ZNF423: variants seen among roughly 807,000 people sequenced by gnomAD.
ZNF423 encodes zinc finger protein 423, also known as Ebf-associated zinc finger protein.
In ZNF423, 12 loss-of-function variants were observed where a neutral mutation model predicts 95.8. The observed-to-expected ratio is 0.13, with a 90% confidence interval of 0.08 to 0.20. The LOEUF is 0.20. Among genes scored for constraint, ZNF423 ranks in the 10% least tolerant of loss-of-function variants. ZNF423 has a pLI of 1.00. For synonymous variants in ZNF423, 749 were observed against 711.9 expected (o/e 1.05, Z -0.83); for missense variants, 1,316 against 1,737.1 (o/e 0.76, Z 4.31).
chr16:49,745,816 A>G (rs905201786), intron 2 of ZNF423, among the ~76,000 whole-genome samples: 2 of 152,090 alleles, frequency 1.3e-5, no homozygotes, highest in African/African-American at 4.8e-5. Context: ...AGCCCAGAAT[A>G]TTATCAGGAA....
At chr16:49,523,475 C>T (rs1369283808) in intron 7 of ZNF423, 149 bp downstream of exon 7, 9 of 661,456 alleles carry the variant, frequency 1.4e-5, no homozygotes, top group Admixed American at 5.1e-5. Context: ...GGGGCTGAAA[C>T]TCCATGCCTG....
intron 1 of ZNF423, among the ~76,000 whole-genome samples, chr16:49,821,452 T>C (rs1306206451): frequency 6.6e-6 from 1 of 152,148 alleles, no homozygotes; most frequent in Non-Finnish European, 1.5e-5. Flanking sequence ...ACTGATTCCA[T>C]GCAAGCTTAA....
At chr16:49,857,210 C>T (rs2035380755), upstream of ZNF423, among the ~76,000 whole-genome samples, 1 of 150,606 alleles carries the variant, frequency 6.6e-6, no homozygotes, top group African/African-American at 2.4e-5. This position sits in a 1 kb window ranked among gnomAD's most constrained non-coding sequence, Gnocchi z 6.2. Context: ...CCCCGCACTG[C>T]TCCGGCTCGG....
intron 3 of ZNF423, among the ~76,000 whole-genome samples, chr16:49,692,481 C>T (rs1205867483): frequency 5.3e-5 from 8 of 152,052 alleles, no homozygotes; most frequent in Admixed American, 6.5e-5. Flanking sequence ...GACTGAAGTC[C>T]GATCGGTGTT....
chr16:49,557,987 A>T (rs1969889424), intron 5 of ZNF423, among the ~76,000 whole-genome samples: 1 of 152,216 alleles, frequency 6.6e-6, no homozygotes, highest in Non-Finnish European at 1.5e-5. Flanking sequence ...AGAGGGGAAA[A>T]GACGAGGGTC....
At chr16:49,672,542 C>T (rs2030859312) in intron 3 of ZNF423, among the ~76,000 whole-genome samples, 1 of 152,152 alleles carries the variant, frequency 6.6e-6, no homozygotes, top group Admixed American at 6.5e-5. Context: ...TGAGGCTGGG[C>T]ATGGTGGTTC....
chr16:49,761,540 G>A (rs1484631718), intron 2 of ZNF423, among the ~76,000 whole-genome samples: 2 of 152,172 alleles, frequency 1.3e-5, no homozygotes, highest in Non-Finnish European at 2.9e-5. Flanking sequence ...CAGCCCAACT[G>A]AACTCATTAC....
chr16:49,607,589 G>C (rs1971580342), intron 5 of ZNF423, among the ~76,000 whole-genome samples: 1 of 152,198 alleles, frequency 6.6e-6, no homozygotes, highest in Non-Finnish European at 1.5e-5. Context: ...AAGTGAAAGG[G>C]CTGGATAATG....
intron 1 of ZNF423, among the ~76,000 whole-genome samples, chr16:49,817,971 T>C (rs947739406): frequency 6.6e-6 from 1 of 152,130 alleles, no homozygotes; most frequent in Admixed American, 6.6e-5. Flanking sequence ...TCTGACCTTT[T>C]TTGAGTTCGT....
chr16:49,516,605 C>T (rs1007996800), intron 7 of ZNF423, among the ~76,000 whole-genome samples: 2 of 152,216 alleles, frequency 1.3e-5, no homozygotes, highest in African/African-American at 4.8e-5. Context: ...CTCTTGGCAG[C>T]ATTTCAGACA....
At chr16:49,523,500 A>G in intron 7 of ZNF423, 124 bp downstream of exon 7, 2 of 756,508 alleles carry the variant, frequency 2.6e-6, no homozygotes, top group Non-Finnish European at 4.4e-6. Flanking sequence ...CCAGGAGGTC[A>G]GCCCCTGATT....
At chr16:49,739,394 G>A (rs1028682207) in intron 2 of ZNF423, among the ~76,000 whole-genome samples, 4 of 152,168 alleles carry the variant, frequency 2.6e-5, no homozygotes, top group African/African-American at 9.7e-5. Context: ...GAATGTCATG[G>A]CACAGGCCCT....
At chr16:49,727,201 G>A (rs762572591) in intron 3 of ZNF423, among the ~76,000 whole-genome samples, 4 of 152,198 alleles carry the variant, frequency 2.6e-5, no homozygotes, top group African/African-American at 4.8e-5. Flanking sequence ...GGAGTTGTCC[G>A]AGACCTTAAA....
At chr16:49,526,692 C>T (rs1444699167) in intron 5 of ZNF423, among the ~76,000 whole-genome samples, 3 of 152,222 alleles carry the variant, frequency 2.0e-5, no homozygotes, top group African/African-American at 7.2e-5. Context: ...GAATCCGTCC[C>T]TCCCCTTACT....
chr16:49,752,715 G>A (rs764034926), intron 2 of ZNF423, among the ~76,000 whole-genome samples: 2 of 152,192 alleles, frequency 1.3e-5, no homozygotes, highest in Non-Finnish European at 2.9e-5. Flanking sequence ...ATGCATCCCC[G>A]TGTGACCCTA....
intron 1 of ZNF423, among the ~76,000 whole-genome samples, chr16:49,816,211 G>A (rs1043892142): frequency 6.6e-6 from 1 of 151,916 alleles, no homozygotes; most frequent in Non-Finnish European, 1.5e-5. Flanking sequence ...GAGCCACTGT[G>A]CCTAGCCAAA....
At chr16:49,806,212 G>A (rs1597026219) in intron 1 of ZNF423, among the ~76,000 whole-genome samples, 1 of 152,210 alleles carries the variant, frequency 6.6e-6, no homozygotes, top group South Asian at 2.1e-4. Context: ...GTGGTGGAGC[G>A]GGGGGCACCC....
chr16:49,737,696 G>C (rs1448521107), intron 2 of ZNF423, among the ~76,000 whole-genome samples: 1 of 152,242 alleles, frequency 6.6e-6, no homozygotes, highest in East Asian at 1.9e-4. Context: ...ACTGCCCACA[G>C]GCTGCCAGGT....
intron 1 of ZNF423, among the ~76,000 whole-genome samples, chr16:49,811,089 C>A (rs1216400023): frequency 6.6e-6 from 1 of 152,208 alleles, no homozygotes; most frequent in Non-Finnish European, 1.5e-5. Context: ...ACAGAGAAGA[C>A]AGACTGCGCT....
Sources: allele counts gnomAD v4.1 joint callset (sites outside exome capture counted in the v4.1 genomes callset), GRCh38; gene constraint gnomAD v4.1.1; non-coding constraint Gnocchi (gnomAD v3.1); transcripts MANE v1.5; gene names NCBI Gene and HGNC (gene_info 2026-07-23, HGNC 2026-07-21).